CARMIL1: variants seen among roughly 807,000 people sequenced by gnomAD.
The protein encoded by CARMIL1 is F-actin-uncapping protein LRRC16A.
CARMIL1 carries 90 observed loss-of-function variants against 177.1 expected under a neutral mutation model. The observed-to-expected ratio is 0.51, with a 90% CI of 0.43 to 0.61. The LOEUF (loss-of-function observed/expected upper bound fraction) is 0.61, where lower values mean the gene tolerates loss of function less well. CARMIL1 is among the 20% of genes least tolerant of loss of function. CARMIL1 has a pLI of 0.00. For synonymous variants in CARMIL1, 577 were observed against 606.2 expected (o/e 0.95, Z 0.71); for missense variants, 1,380 against 1,667.0 (o/e 0.83, Z 3.00).
At chr6:25,477,639 G>A (rs1801695388) in intron 11 of CARMIL1, among the ~76,000 whole-genome samples, 2 of 151,674 alleles carry the variant, frequency 1.3e-5, no homozygotes, top group Non-Finnish European at 2.9e-5. Context: ...TTTTTTTAAA[G>A]CAGTGGAATA....
chr6:25,485,020 G>A (rs541140614), intron 12 of CARMIL1, among the ~76,000 whole-genome samples: 5 of 152,224 alleles, frequency 3.3e-5, no homozygotes, highest in African/African-American at 1.2e-4. Context: ...GGGTGACAGA[G>A]TGAGAACCTG....
At chr6:25,413,316 G>A (rs763454685) in intron 2 of CARMIL1, among the ~76,000 whole-genome samples, 2 of 152,184 alleles carry the variant, frequency 1.3e-5, no homozygotes, top group African/African-American at 2.4e-5. Context: ...TGTTTGGCAC[G>A]TAGAGCCCAA....
At chr6:25,471,808 T>C (rs1437051186) in intron 10 of CARMIL1, among the ~76,000 whole-genome samples, 6 of 152,200 alleles carry the variant, frequency 3.9e-5, no homozygotes, top group Admixed American at 3.9e-4. Flanking sequence ...ACTTGCATAG[T>C]CTTTATCTAG....
intron 2 of CARMIL1, among the ~76,000 whole-genome samples, chr6:25,397,030 A>G (rs1405362256): frequency 6.6e-6 from 1 of 152,078 alleles, no homozygotes. Flanking sequence ...GAGCGGCATC[A>G]AGGAGGAGGT....
chr6:25,593,280 C>A (rs1483620997), intron 31 of CARMIL1, among the ~76,000 whole-genome samples: 5 of 152,184 alleles, frequency 3.3e-5, no homozygotes, highest in African/African-American at 1.2e-4. Flanking sequence ...TCTTTGATTT[C>A]AGCTCCTGAA....
At chr6:25,573,854 G>A (rs761929433) in intron 29 of CARMIL1, among the ~76,000 whole-genome samples, 3 of 152,072 alleles carry the variant, frequency 2.0e-5, no homozygotes, top group Non-Finnish European at 4.4e-5. Flanking sequence ...TGAGGTTCAT[G>A]ATAAAGAACA....
intron 17 of CARMIL1, among the ~76,000 whole-genome samples, chr6:25,508,640 T>C (rs392465): frequency 0.44 from 66,391 of 152,096 alleles, 14,870 homozygotes; most frequent in Middle Eastern, 0.52. Flanking sequence ...AACCTAGACA[T>C]GTGGAAAATA....
chr6:25,317,166 G>C (rs541497978), intron 2 of CARMIL1, among the ~76,000 whole-genome samples: 1 of 152,042 alleles, frequency 6.6e-6, no homozygotes, highest in Admixed American at 6.6e-5. Flanking sequence ...TTTTGGGATG[G>C]GGTCTCAGTC....
At chr6:25,472,002 A>G (rs540944017) in intron 10 of CARMIL1, among the ~76,000 whole-genome samples, 6 of 152,366 alleles carry the variant, frequency 3.9e-5, no homozygotes, top group African/African-American at 1.4e-4. Flanking sequence ...TAGCACTAGC[A>G]ATTGTAACCT....
chr6:25,281,913 G>A (rs911877070), intron 1 of CARMIL1, among the ~76,000 whole-genome samples: 14 of 152,044 alleles, frequency 9.2e-5, no homozygotes, highest in Non-Finnish European at 2.1e-4. Context: ...TCGGGAGTTG[G>A]AGACCAGCCT....
intron 2 of CARMIL1, among the ~76,000 whole-genome samples, chr6:25,409,841 G>A (rs1794751077): frequency 6.6e-6 from 1 of 151,704 alleles, no homozygotes; most frequent in Non-Finnish European, 1.5e-5. Flanking sequence ...TTTTCACTTT[G>A]GTTTAGTCTG....
chr6:25,563,722 T>C (rs1268810667), intron 29 of CARMIL1: 3 of 985,344 alleles, frequency 3.0e-6, no homozygotes, highest in African/African-American at 3.5e-5. Context: ...GAAAGAACCA[T>C]TGTATCACCC....
chr6:25,319,942 G>A (rs1323754169), intron 2 of CARMIL1, among the ~76,000 whole-genome samples: 1 of 152,034 alleles, frequency 6.6e-6, no homozygotes, highest in Non-Finnish European at 1.5e-5. Flanking sequence ...AAGTGGATTA[G>A]TTAAGTACTG....
rs566979696 is a variant in CARMIL1 at position 25,340,639 on chromosome 6, G to A, written c.138+55730G>A. Among the ~76,000 whole-genome samples the A allele has an allele frequency of 2.6e-4, 39 of 152,158 alleles. No individual in the cohort carries two copies. In the South Asian group the frequency reaches 7.7e-3, roughly 30 times the overall value. On this transcript the variant is annotated intron_variant, in intron 2 of 36. Coordinates refer to ENST00000329474, the MANE Select transcript of CARMIL1 (RefSeq NM_017640.6). ...TTGAGATATATGCTGTTGGCCACAGGAGCATTAATTACTCCGGGCAGATCA... is the reference window on the plus strand; with the variant it reads ...TTGAGATATATGCTGTTGGCCACAGAAGCATTAATTACTCCGGGCAGATCA...
chr6:25,327,577 CACAA>C lies in CARMIL1; in HGVS notation c.138+42674_138+42677del, dbSNP rs553574635. On this transcript the variant is annotated intron_variant, in intron 2 of 36. Coordinates refer to ENST00000329474, the MANE Select transcript of CARMIL1 (RefSeq NM_017640.6). Reference sequence around the variant, plus strand: ...TCCCCTCCGGCTACTATTTGCTGTGCACAAACAAAGTCTGAATGAGCATTTTGTA... The same window carrying C: ...TCCCCTCCGGCTACTATTTGCTGTGCACAAAGTCTGAATGAGCATTTTGTA... Among the ~76,000 whole-genome samples the C allele has an allele frequency of 4.2e-3, 644 of 152,284 alleles. 5 individuals are homozygous for C. The highest frequency in any genetic ancestry group is 0.014 in the African/African-American group (593 of 41,540).
chr6:25,468,944 A>G (rs1800867631), intron 9 of CARMIL1, among the ~76,000 whole-genome samples: 1 of 152,352 alleles, frequency 6.6e-6, no homozygotes, highest in Admixed American at 6.5e-5. Flanking sequence ...ATTTCTGGTT[A>G]TTAGGATAAT....
At position 25,509,355 on chromosome 6, in the gene CARMIL1, G is replaced by A. The variant is rs114785526; in HGVS notation, c.1396-301G>A. 0.011 allele frequency among the ~76,000 whole-genome samples: 1,719 copies of A among 152,184 alleles called. 28 individuals carry two copies. Among genetic ancestry groups the A allele is most frequent in the African/African-American group, 0.039 (1,630 of 41,510 alleles). ...AGTCAGAAATGAAGAAATTCTTCTG[G>A]GTTGATAATGCACTGCTTTGCTACT... is the stretch of plus-strand genomic sequence containing the variant. On this transcript the variant is annotated intron_variant, in intron 17 of 36. Transcript: ENST00000329474. The surrounding 1 kb of genome is among the most constrained non-coding windows in gnomAD (Gnocchi z 4.1).
Position 25,594,486 on chromosome 6 carries a change from A to G in CARMIL1, c.3078A>G (p.Val1026=), listed in dbSNP as rs1229072447. Residue 1026 remains valine, a synonymous_variant, in exon 32 of 37, where the codon GTA becomes GTG. Coordinates refer to ENST00000329474, the MANE Select transcript of CARMIL1 (RefSeq NM_017640.6). ...TCATGGGGAGAGTGGATGAAGGTGT[A>G]GATGAATTTTTTACCAAGAAGGTGA... ...NGLMGRVDEG[V]DEFFTKKVTK... 5 of 1,613,426 alleles carry G rather than the reference A, an allele frequency of 3.1e-6. No homozygotes were observed. Among genetic ancestry groups the G allele is most frequent in the Non-Finnish European group, 4.2e-6 (5 of 1,179,582 alleles).
At chr6:25,551,139 G>A (rs1197150579) in intron 27 of CARMIL1, 54 bp downstream of exon 27, 18 of 1,430,928 alleles carry the variant, frequency 1.3e-5, no homozygotes, top group Admixed American at 1.8e-5. Flanking sequence ...AAATGCAGTC[G>A]AGGCAGCTGT....
Sources: allele counts gnomAD v4.1 joint callset (sites outside exome capture counted in the v4.1 genomes callset), GRCh38; gene constraint gnomAD v4.1.1; non-coding constraint Gnocchi (gnomAD v3.1); transcripts MANE v1.5; gene names NCBI Gene and HGNC (gene_info 2026-07-23, HGNC 2026-07-21).